The following ENTPD1 variants were observed in gnomAD, a reference collection of about 807,000 sequenced individuals.
ENTPD1 encodes the protein ectonucleoside triphosphate diphosphohydrolase 1.
A neutral mutation model predicts 57.0 loss-of-function variants in ENTPD1; 33 were observed. The ratio of observed to expected loss-of-function variants is 0.58; its 90% confidence interval spans 0.44 to 0.77. The LOEUF (loss-of-function observed/expected upper bound fraction) is 0.77. ENTPD1 is among the 30% of genes least tolerant of loss of function. The pLI is 0.00. For missense variants in ENTPD1, 501 were observed against 603.4 expected, an observed-to-expected ratio of 0.83 and a Z score of 1.78; for synonymous variants, 202 against 218.8, an observed-to-expected ratio of 0.92 and a Z score of 0.68.
intron 1 of ENTPD1, among the ~76,000 whole-genome samples, chr10:95,743,997 CATAT>C (rs57187898): frequency 0.014 from 1,162 of 80,958 alleles, 17 homozygotes; most frequent in African/African-American, 0.025. Context: ...TATTTTAAAC[CATAT>C]ATATATATAT....
chr10:95,820,087 C>A (rs1007729101), intron 1 of ENTPD1, among the ~76,000 whole-genome samples: 9 of 152,136 alleles, frequency 5.9e-5, no homozygotes, highest in Non-Finnish European at 1.5e-5. Context: ...GATATGTCAA[C>A]CTGCACCCCA....
At chr10:95,813,915 G>T (rs1383348676) in intron 1 of ENTPD1, among the ~76,000 whole-genome samples, 2 of 152,188 alleles carry the variant, frequency 1.3e-5, no homozygotes, top group Non-Finnish European at 2.9e-5. Flanking sequence ...CAGCACTAGA[G>T]ATGCATGGCC....
At chr10:95,743,486 A>T (rs1428093891) in intron 1 of ENTPD1, among the ~76,000 whole-genome samples, 1 of 152,014 alleles carries the variant, frequency 6.6e-6, no homozygotes, top group Non-Finnish European at 1.5e-5. Context: ...GTTATGCTTT[A>T]CCTCCTAGAG....
Position 95,774,251 on chromosome 10 carries a change from T to C in ENTPD1, c.16+17996T>C, listed in dbSNP as rs1414490909. ...ATTAGCCCTTTGTCAAATAGGTAGA[T>C]TGCAAAAATTTTCTCCCATTCTGTA... is the stretch of plus-strand genomic sequence containing the variant. On this transcript the variant is annotated intron_variant, in intron 1 of 9. Coordinates refer to ENST00000371205, the MANE Select transcript of ENTPD1 (RefSeq NM_001776.6). Among the ~76,000 whole-genome samples the C allele has an allele frequency of 1.3e-5, 2 of 152,222 alleles. 1 individual carries two copies. The highest frequency in any genetic ancestry group is 3.8e-4 in the East Asian group (2 of 5,206).
Position 95,845,470 on chromosome 10 carries a change from T to C in ENTPD1, c.687T>C (p.Thr229=). 5.0e-6 allele frequency: 8 copies of C among 1,614,214 alleles called. No homozygotes were observed. Among genetic ancestry groups the C allele is most frequent in the Middle Eastern group, 1.6e-4 (1 of 6,062 alleles). The change falls in exon 6 of 10, where the codon ACT becomes ACC. Residue 229 remains threonine, a synonymous_variant. Transcript: ENST00000371205. ...TCACTTTTGTACCCCAAAACCAGAC[T>C]ATCGAGTCCCCAGATAATGCTCTGC... ...TQVTFVPQNQ[T]IESPDNALQF... is the part of the protein sequence containing the mutation.
In ENTPD1 at chr10:95,806,816, G is replaced by A. The variant is rs566438502; in HGVS notation, c.17-16421G>A. Reference sequence around the variant, plus strand: ...CCCTGTTTGTCTGGGTATCACCAGCGGAGGCTGCAGAACAGCAAATATTGC... The same window carrying A: ...CCCTGTTTGTCTGGGTATCACCAGCAGAGGCTGCAGAACAGCAAATATTGC... On this transcript the variant is annotated intron_variant, in intron 1 of 9. Transcript: ENST00000371205. 1.7e-4 allele frequency among the ~76,000 whole-genome samples: 26 copies of A among 151,690 alleles called. No individual in the cohort carries two copies. The South Asian group carries it at 2.7e-3, about 16-fold the overall frequency.
chr10:95,776,230 G>C (rs1345872867), intron 1 of ENTPD1, among the ~76,000 whole-genome samples: 1 of 152,160 alleles, frequency 6.6e-6, no homozygotes, highest in Non-Finnish European at 1.5e-5. Context: ...TTTCTTCCTA[G>C]CATCGACAGT....
intron 1 of ENTPD1, among the ~76,000 whole-genome samples, chr10:95,722,246 A>G (rs1246969295): frequency 7.0e-6 from 1 of 142,614 alleles, no homozygotes; most frequent in East Asian, 2.1e-4. Context: ...TTTTTTTTTT[A>G]TTATCCCAAG....
chr10:95,765,364 A>G (rs1483139515), intron 1 of ENTPD1, among the ~76,000 whole-genome samples: 1 of 152,108 alleles, frequency 6.6e-6, no homozygotes, highest in South Asian at 2.1e-4. Flanking sequence ...TAGTTTTTGT[A>G]TATGTTATGA....
chr10:95,793,274 T>G (rs1356263936), intron 1 of ENTPD1, among the ~76,000 whole-genome samples: 1 of 152,192 alleles, frequency 6.6e-6, no homozygotes, highest in Non-Finnish European at 1.5e-5. Context: ...ACGGGAGGCA[T>G]GCTGCCCCTA....
upstream of ENTPD1, among the ~76,000 whole-genome samples, chr10:95,711,216 G>A (rs1006427076): frequency 4.6e-5 from 7 of 152,152 alleles, no homozygotes; most frequent in Middle Eastern, 3.2e-3. Context: ...GACCTGCCTC[G>A]TCTGACTGTT....
chr10:95,757,526 T>G (rs2098032690), intron 1 of ENTPD1, among the ~76,000 whole-genome samples: 1 of 152,190 alleles, frequency 6.6e-6, no homozygotes, highest in Non-Finnish European at 1.5e-5. Context: ...GTGATACTGG[T>G]AAAATCTTAA....
upstream of ENTPD1, among the ~76,000 whole-genome samples, chr10:95,711,349 T>C (rs2097965435): frequency 1.3e-5 from 2 of 152,232 alleles, no homozygotes; most frequent in African/African-American, 4.8e-5. Context: ...AAGAAGAATC[T>C]AGATAGACAG....
intron 1 of ENTPD1, among the ~76,000 whole-genome samples, chr10:95,747,606 T>C (rs2098007477): frequency 1.3e-5 from 2 of 152,190 alleles, no homozygotes; most frequent in Non-Finnish European, 2.9e-5. Context: ...GGTTCCTGCT[T>C]GGTCACTGTT....
upstream of ENTPD1, among the ~76,000 whole-genome samples, chr10:95,707,944 A>G (rs1359370515): frequency 6.6e-6 from 1 of 152,126 alleles, no homozygotes; most frequent in Non-Finnish European, 1.5e-5. Context: ...TATACATTTG[A>G]TTTATGCGTT....
At chr10:95,704,877 T>G in the ENTPD1 span, among the ~76,000 whole-genome samples, 1 of 151,160 alleles carries the variant, frequency 6.6e-6, no homozygotes, top group Non-Finnish European at 1.5e-5. Flanking sequence ...TATATATGTA[T>G]ATATATGTAA....
At chr10:95,753,580 TACTA>T (rs2098015545), upstream of ENTPD1, 1 of 152,266 alleles carries the variant, frequency 6.6e-6, no homozygotes, top group South Asian at 2.1e-4. Flanking sequence ...ATTTACTTTT[TACTA>T]ACTCTTTCTC....
intron 7 of ENTPD1, among the ~76,000 whole-genome samples, chr10:95,855,373 G>A (rs1221025059): frequency 6.6e-6 from 1 of 151,412 alleles, no homozygotes; most frequent in Non-Finnish European, 1.5e-5. Flanking sequence ...ACACTGATGG[G>A]TCTTGACTCT....
chr10:95,846,591 G>A (rs2098436099), intron 6 of ENTPD1, among the ~76,000 whole-genome samples: 1 of 152,066 alleles, frequency 6.6e-6, no homozygotes, highest in South Asian at 2.1e-4. Context: ...GATGGTCCTG[G>A]GAGTAGGGGG....
Sources: allele counts gnomAD v4.1 joint callset (sites outside exome capture counted in the v4.1 genomes callset), GRCh38; gene constraint gnomAD v4.1.1; transcripts MANE v1.5; gene names NCBI Gene and HGNC (gene_info 2026-07-23, HGNC 2026-07-21).